The following RPSA2 variants were observed in gnomAD, a reference collection of about 807,000 sequenced individuals.
The protein encoded by RPSA2 is small ribosomal subunit protein uS2B.
At chr19:23,793,265 G>A in the RPSA2 span, among the ~76,000 whole-genome samples, 1 of 148,954 alleles carries the variant, frequency 6.7e-6, no homozygotes, top group East Asian at 2.0e-4. Flanking sequence ...CAAAGGATGA[G>A]AATTTTATTG....
chr19:23,844,807 T>C, the RPSA2 span, among the ~76,000 whole-genome samples: 1 of 151,840 alleles, frequency 6.6e-6, no homozygotes, highest in Non-Finnish European at 1.5e-5. Flanking sequence ...AATTTTATTA[T>C]CCTCAATTTT....
At chr19:23,789,171 T>C in the RPSA2 span, among the ~76,000 whole-genome samples, 1 of 152,022 alleles carries the variant, frequency 6.6e-6, no homozygotes, top group Non-Finnish European at 1.5e-5. Flanking sequence ...GGGCTTATTT[T>C]TGTATTTTTA....
the RPSA2 span, among the ~76,000 whole-genome samples, chr19:23,846,733 G>T: frequency 1.3e-5 from 2 of 152,160 alleles, no homozygotes; most frequent in African/African-American, 4.8e-5. Context: ...TCTGCTTTTA[G>T]TCTGATGTGG....
the RPSA2 span, among the ~76,000 whole-genome samples, chr19:23,835,636 GTTC>G: frequency 6.6e-6 from 1 of 151,268 alleles, no homozygotes; most frequent in Non-Finnish European, 1.5e-5. Context: ...TGTTGTTGTT[GTTC>G]TTGTTTTTTT....
At chr19:23,781,232 C>T in the RPSA2 span, among the ~76,000 whole-genome samples, 5 of 152,268 alleles carry the variant, frequency 3.3e-5, no homozygotes, top group South Asian at 1.0e-3. Flanking sequence ...CTCGGCCTCC[C>T]AAAGTGTTGG....
chr19:23,865,821 GA>G, the RPSA2 span, among the ~76,000 whole-genome samples: 1 of 152,142 alleles, frequency 6.6e-6, no homozygotes, highest in Non-Finnish European at 1.5e-5. Flanking sequence ...CACTCTTGTA[GA>G]GTTTAAATTA....
chr19:23,834,777 G>T, the RPSA2 span, among the ~76,000 whole-genome samples: 3 of 151,934 alleles, frequency 2.0e-5, no homozygotes, highest in South Asian at 6.2e-4. Flanking sequence ...TTACACAAGG[G>T]TGTAGGTAAC....
the RPSA2 span, among the ~76,000 whole-genome samples, chr19:23,847,616 C>A: frequency 6.6e-6 from 1 of 152,176 alleles, no homozygotes; most frequent in Non-Finnish European, 1.5e-5. Context: ...TTCAGTGGTG[C>A]ACGTATTGTC....
chr19:23,764,012 C>A, the RPSA2 span, among the ~76,000 whole-genome samples: 1 of 152,076 alleles, frequency 6.6e-6, no homozygotes. Flanking sequence ...AGGTTAATTG[C>A]AGGTTTATGA....
the RPSA2 span, among the ~76,000 whole-genome samples, chr19:23,805,692 C>T: frequency 6.6e-6 from 1 of 152,098 alleles, no homozygotes; most frequent in Non-Finnish European, 1.5e-5. Context: ...TTTTTTTCAG[C>T]TAAACATTTC....
chr19:23,845,371 C>CT, the RPSA2 span, among the ~76,000 whole-genome samples: 1 of 150,852 alleles, frequency 6.6e-6, no homozygotes, highest in Non-Finnish European at 1.5e-5. Flanking sequence ...AAGCTTTCTA[C>CT]TTTTTTGATG....
the RPSA2 span, among the ~76,000 whole-genome samples, chr19:23,783,979 C>T: frequency 6.6e-6 from 1 of 152,124 alleles, no homozygotes; most frequent in Non-Finnish European, 1.5e-5. Context: ...CTGGTGCATG[C>T]TCTCGGGGAA....
the RPSA2 span, among the ~76,000 whole-genome samples, chr19:23,815,251 A>C: frequency 6.6e-6 from 1 of 152,190 alleles, no homozygotes; most frequent in African/African-American, 2.4e-5. Flanking sequence ...TTTTGTACTC[A>C]TGTGTTAAAC....
the RPSA2 span, among the ~76,000 whole-genome samples, chr19:23,861,795 A>G: frequency 6.6e-6 from 1 of 152,270 alleles, no homozygotes; most frequent in East Asian, 1.9e-4. Flanking sequence ...GCTGTAATTT[A>G]TTTCTGGAAA....
At chr19:23,805,020 T>TAAGGACAGGACAG in the RPSA2 span, among the ~76,000 whole-genome samples, 1 of 152,186 alleles carries the variant, frequency 6.6e-6, no homozygotes, top group African/African-American at 2.4e-5. Context: ...CTGTTTGGGT[T>TAAGGACAGGACAG]TGTTAAGGAC....
the RPSA2 span, among the ~76,000 whole-genome samples, chr19:23,779,945 AG>A: frequency 6.6e-6 from 1 of 152,312 alleles, no homozygotes; most frequent in South Asian, 2.1e-4. Context: ...CTCAGGGAAA[AG>A]AAATTACATA....
chr19:23,804,323 G>C, the RPSA2 span, among the ~76,000 whole-genome samples: 2 of 138,358 alleles, frequency 1.4e-5, no homozygotes, highest in Non-Finnish European at 3.1e-5. Context: ...TTGGAGACGA[G>C]TCTTGCTCTG....
the RPSA2 span, among the ~76,000 whole-genome samples, chr19:23,806,083 C>T: frequency 2.3e-5 from 3 of 133,252 alleles, no homozygotes; most frequent in East Asian, 2.3e-4. Flanking sequence ...CTCACTCTGT[C>T]GTCCCCGCTG....
At chr19:23,852,055 A>T in the RPSA2 span, among the ~76,000 whole-genome samples, 1 of 152,202 alleles carries the variant, frequency 6.6e-6, no homozygotes, top group African/African-American at 2.4e-5. Flanking sequence ...ATTATGTTGA[A>T]CTATTAGCCC....
Sources: allele counts gnomAD v4.1 joint callset (sites outside exome capture counted in the v4.1 genomes callset), GRCh38; gene constraint gnomAD v4.1.1; transcripts MANE v1.5; gene names NCBI Gene and HGNC (gene_info 2026-07-23, HGNC 2026-07-21).